The following INSYN2B variants were observed in gnomAD, a reference collection of about 807,000 sequenced individuals.
The protein encoded by INSYN2B is inhibitory synaptic factor family member 2B.
A neutral mutation model predicts 41.2 loss-of-function variants in INSYN2B; 16 were observed. That is an observed-to-expected ratio of 0.39 (90% CI 0.26 to 0.59). INSYN2B has a LOEUF of 0.59. INSYN2B is among the 20% of genes least tolerant of loss of function. INSYN2B has a pLI of 0.57. For synonymous variants in INSYN2B, 245 were observed against 244.4 expected, an observed-to-expected ratio of 1.00 and a Z score of -0.02; for missense variants, 608 against 646.4, an observed-to-expected ratio of 0.94 and a Z score of 0.64.
At chr5:169,919,409 A>G (rs1290960624) in intron 1 of INSYN2B, among the ~76,000 whole-genome samples, 8 of 152,228 alleles carry the variant, frequency 5.3e-5, no homozygotes, top group Admixed American at 4.6e-4. Flanking sequence ...ATTCACACTC[A>G]TCAAATTTTA....
chr5:169,900,847 A>C (rs865784511), intron 1 of INSYN2B, among the ~76,000 whole-genome samples: 2 of 152,200 alleles, frequency 1.3e-5, no homozygotes, highest in Non-Finnish European at 2.9e-5. Context: ...GCCTGCCTGG[A>C]ATTGACTGTA....
At chr5:169,978,928 G>C (rs1005241281) in intron 1 of INSYN2B, among the ~76,000 whole-genome samples, 4 of 152,146 alleles carry the variant, frequency 2.6e-5, no homozygotes, top group Non-Finnish European at 5.9e-5. Flanking sequence ...AGGTGACACT[G>C]TCTGGTTTGT....
chr5:169,893,603 T>C (rs1208086901), intron 1 of INSYN2B, among the ~76,000 whole-genome samples: 1 of 152,166 alleles, frequency 6.6e-6, no homozygotes, highest in Non-Finnish European at 1.5e-5. Flanking sequence ...CTTTTTGATT[T>C]GTTGTCAGAG....
At chr5:169,901,444 C>A (rs533338915) in intron 1 of INSYN2B, among the ~76,000 whole-genome samples, 3 of 151,906 alleles carry the variant, frequency 2.0e-5, no homozygotes, top group Non-Finnish European at 2.9e-5. Flanking sequence ...GGCATGCATG[C>A]GTGCATGTGT....
intron 1 of INSYN2B, among the ~76,000 whole-genome samples, chr5:169,966,044 A>G (rs554369762): frequency 5.1e-4 from 78 of 152,354 alleles, no homozygotes; most frequent in African/African-American, 1.7e-3. Flanking sequence ...TCCGAAGAGC[A>G]GGAAGTTTTC....
intron 3 of INSYN2B, among the ~76,000 whole-genome samples, chr5:169,879,537 A>C (rs139333928): frequency 6.6e-6 from 1 of 152,214 alleles, no homozygotes; most frequent in African/African-American, 2.4e-5. Flanking sequence ...ATATATGCAT[A>C]CAATTGCTGT....
chr5:169,940,084 G>A (rs569369567), intron 1 of INSYN2B, among the ~76,000 whole-genome samples: 1 of 152,334 alleles, frequency 6.6e-6, no homozygotes, highest in South Asian at 2.1e-4. Flanking sequence ...GCTGTGGGTG[G>A]GGAGAGGGGT....
At chr5:169,886,947 A>G (rs999160532) in intron 1 of INSYN2B, among the ~76,000 whole-genome samples, 1 of 152,178 alleles carries the variant, frequency 6.6e-6, no homozygotes. Context: ...TCTCTTCCTT[A>G]ATCCTATGAC....
intron 1 of INSYN2B, among the ~76,000 whole-genome samples, chr5:169,933,670 A>C (rs1775861388): frequency 6.6e-6 from 1 of 152,092 alleles, no homozygotes; most frequent in African/African-American, 2.4e-5. Flanking sequence ...AGGGGACCTT[A>C]CTGGCCGCAC....
At chr5:169,890,810 G>A (rs1030327378) in intron 1 of INSYN2B, among the ~76,000 whole-genome samples, 1 of 152,000 alleles carries the variant, frequency 6.6e-6, no homozygotes, top group Non-Finnish European at 1.5e-5. Flanking sequence ...CACAAATTCT[G>A]GTATTCACAC....
intron 3 of INSYN2B, among the ~76,000 whole-genome samples, chr5:169,878,255 A>T (rs1772443506): frequency 6.6e-6 from 1 of 152,180 alleles, no homozygotes; most frequent in African/African-American, 2.4e-5. Context: ...CCCAAACTTC[A>T]ATCACTCATT....
At chr5:169,879,544 C>T (rs1210457683) in intron 3 of INSYN2B, among the ~76,000 whole-genome samples, 1 of 152,164 alleles carries the variant, frequency 6.6e-6, no homozygotes, top group East Asian at 1.9e-4. Flanking sequence ...CATACAATTG[C>T]TGTTCTTCTG....
intron 1 of INSYN2B, among the ~76,000 whole-genome samples, chr5:169,967,713 G>A (rs554268307): frequency 6.6e-6 from 1 of 152,308 alleles, no homozygotes; most frequent in South Asian, 2.1e-4. Context: ...TGGGAAGCAG[G>A]GGGTGCGTTT....
At chr5:169,978,386 TG>T (rs1777797740) in intron 1 of INSYN2B, among the ~76,000 whole-genome samples, 2 of 16,720 alleles carry the variant, frequency 1.2e-4, no homozygotes, top group African/African-American at 4.8e-4. Context: ...TGTGTGTGTG[TG>T]TGTGTGGGGG....
At chr5:169,902,826 G>A (rs752708351) in intron 1 of INSYN2B, among the ~76,000 whole-genome samples, 6 of 152,230 alleles carry the variant, frequency 3.9e-5, no homozygotes, top group African/African-American at 1.2e-4. Context: ...GAGGCCAGGC[G>A]TGGTGGCTCA....
intron 1 of INSYN2B, among the ~76,000 whole-genome samples, chr5:169,937,587 T>C (rs1235082934): frequency 2.6e-5 from 4 of 152,246 alleles, no homozygotes; most frequent in Non-Finnish European, 5.9e-5. Context: ...TGTGCTCAGT[T>C]CTTTATCTAT....
chr5:169,882,454 G>T, intron 2 of INSYN2B, 99 bp downstream of exon 2: 1 of 992,564 alleles, frequency 1.0e-6, no homozygotes, highest in Non-Finnish European at 1.5e-6. Flanking sequence ...CAAACATTTT[G>T]GAGACATTTT....
At chr5:169,973,067 C>T (rs922323694) in intron 1 of INSYN2B, among the ~76,000 whole-genome samples, 8 of 152,146 alleles carry the variant, frequency 5.3e-5, no homozygotes, top group Non-Finnish European at 1.2e-4. Context: ...ACCTTCACTC[C>T]TCTTCACTCC....
chr5:169,960,637 T>C (rs1222639365), intron 1 of INSYN2B, among the ~76,000 whole-genome samples: 1 of 152,208 alleles, frequency 6.6e-6, no homozygotes, highest in Non-Finnish European at 1.5e-5. Context: ...TGGCCATCAT[T>C]AGTCACCTGT....
Sources: gnomAD v4.1 joint callset for allele counts (sites outside exome capture counted in the v4.1 genomes callset) on GRCh38, gnomAD v4.1.1 for gene constraint, MANE v1.5 for transcripts, NCBI Gene and HGNC (gene_info 2026-07-23, HGNC 2026-07-21) for gene names.